The following TIAM2 variants were observed in gnomAD, a reference collection of about 807,000 sequenced individuals.
TIAM2 encodes the protein rho guanine nucleotide exchange factor TIAM2.
A neutral mutation model predicts 152.9 loss-of-function variants in TIAM2; 80 were observed. The observed-to-expected ratio is 0.52, with a 90% CI of 0.44 to 0.63. The LOEUF is 0.63. Ranked by LOEUF, TIAM2 falls within the 30% of genes least tolerant of loss-of-function variation. The pLI, the probability that TIAM2 is intolerant of heterozygous loss-of-function variation, is 0.00. For missense variants in TIAM2, 1,965 were observed against 2,120.1 expected, an observed-to-expected ratio of 0.93 and a Z score of 1.44; for synonymous variants, 804 against 838.0, an observed-to-expected ratio of 0.96 and a Z score of 0.70.
chr6:155,041,799 C>T (rs377140023), intron 1 of TIAM2, among the ~76,000 whole-genome samples: 5 of 152,230 alleles, frequency 3.3e-5, no homozygotes, highest in Non-Finnish European at 1.5e-5. Flanking sequence ...CTGAGGTGTT[C>T]GCGTTGCCAG....
At position 155,257,152 on chromosome 6, in the gene TIAM2, C is replaced by A; in HGVS notation, c.*31C>A. ...TTCAATCCAGATATGGGTTAAATTC[C>A]TCATTTTACTTTTAAACTGGTGGTA... On this transcript the variant is annotated 3_prime_UTR_variant, in exon 27 of 27. Coordinates refer to ENST00000682666, the MANE Select transcript of TIAM2 (RefSeq NM_012454.4). 2 of 1,472,736 alleles carry A rather than the reference C, an allele frequency of 1.4e-6. No homozygotes were observed. The highest frequency in any genetic ancestry group is 1.5e-5 in the African/African-American group (1 of 68,906). The allele number at this position is 1,472,736 out of a possible 1,614,324, so 91.2% of individuals were successfully genotyped here.
At chr6:155,144,893 A>C in intron 6 of TIAM2, 115 bp downstream of exon 6, 5 of 1,268,436 alleles carry the variant, frequency 3.9e-6, no homozygotes, top group Non-Finnish European at 5.4e-6. Flanking sequence ...TAGGCTTTGG[A>C]TTTGGCCTTA....
intron 14 of TIAM2, among the ~76,000 whole-genome samples, chr6:155,189,406 A>G (rs1781134132): frequency 6.6e-6 from 1 of 152,054 alleles, no homozygotes; most frequent in Non-Finnish European, 1.5e-5. Context: ...TTTTACCAGG[A>G]CACAGAACTT....
chr6:155,150,869 G>A (rs1022286402), intron 7 of TIAM2, among the ~76,000 whole-genome samples: 3 of 152,092 alleles, frequency 2.0e-5, no homozygotes, highest in South Asian at 2.1e-4. Flanking sequence ...ACTGTCGTGC[G>A]CAGTGGATTA....
At chr6:155,200,153 G>A (rs1781443629) in intron 14 of TIAM2, among the ~76,000 whole-genome samples, 1 of 152,170 alleles carries the variant, frequency 6.6e-6, no homozygotes, top group Non-Finnish European at 1.5e-5. Context: ...TGATCGGATT[G>A]CTGATAGTCC....
chr6:154,997,270 C>T (rs1778231341), intron 1 of TIAM2, among the ~76,000 whole-genome samples: 1 of 152,154 alleles, frequency 6.6e-6, no homozygotes, highest in Non-Finnish European at 1.5e-5. Flanking sequence ...CTTCCTTATC[C>T]GTAGGCGAAG....
intron 3 of TIAM2, among the ~76,000 whole-genome samples, chr6:155,128,760 G>T (rs959019739): frequency 6.6e-6 from 1 of 151,894 alleles, no homozygotes; most frequent in African/African-American, 2.4e-5. Context: ...CAGCTACTTG[G>T]GAAGCTAAGG....
chr6:155,016,482 AAATTT>A (rs1294030889), intron 1 of TIAM2: 2 of 152,032 alleles, frequency 1.3e-5, no homozygotes, highest in Non-Finnish European at 2.9e-5. Context: ...TACTATATTT[AAATTT>A]AAATGTAAAT....
Position 155,179,160 on chromosome 6 carries a change from T to A in TIAM2, c.2628+17T>A. The A allele has an allele frequency of 3.8e-6, 6 of 1,594,546 alleles. No individual in the cohort carries two copies. The highest frequency in any genetic ancestry group is 4.3e-6 in the Non-Finnish European group (5 of 1,165,280). On this transcript the variant is annotated intron_variant, in intron 11 of 26. Transcript: ENST00000682666. ...CAACAACAGGTAAGTGTGCACTAGC[T>A]TTAGGAAGGGAAACTGAACCACATC...
intron 1 of TIAM2, among the ~76,000 whole-genome samples, chr6:155,004,370 C>A (rs1397684486): frequency 6.6e-6 from 1 of 152,062 alleles, no homozygotes; most frequent in African/African-American, 2.4e-5. Flanking sequence ...TGGAGTTCAC[C>A]CCAAATTTCC....
chr6:155,013,812 C>T (rs1170479482), intron 1 of TIAM2: 1 of 152,020 alleles, frequency 6.6e-6, no homozygotes, highest in African/African-American at 2.4e-5. Flanking sequence ...CAGGGTCTTT[C>T]CTAAGTGCTG....
intron 5 of TIAM2, among the ~76,000 whole-genome samples, chr6:155,142,882 T>G (rs752617263): frequency 6.6e-5 from 10 of 152,236 alleles, no homozygotes; most frequent in Non-Finnish European, 1.5e-4. Context: ...CTCTCTTGGC[T>G]TCTATGTGCT....
intron 15 of TIAM2, 42 bp from the exon 16 acceptor site, chr6:155,240,488 G>C: frequency 1.3e-6 from 2 of 1,565,994 alleles, no homozygotes; most frequent in East Asian, 2.3e-5. Context: ...TACTATCAGG[G>C]AGAGGCCCGT....
chr6:155,179,712 A>G (rs1277992482), intron 12 of TIAM2, among the ~76,000 whole-genome samples: 1 of 152,256 alleles, frequency 6.6e-6, no homozygotes, highest in African/African-American at 2.4e-5. Context: ...ATTTGAAAAT[A>G]TAGATTAATA....
chr6:155,244,976 C>A, intron 18 of TIAM2, 193 bp downstream of exon 18: 8 of 636,596 alleles, frequency 1.3e-5, no homozygotes, highest in Admixed American at 3.9e-5. Flanking sequence ...TTTTTCCTGG[C>A]GCAGGTGCTT....
intron 1 of TIAM2, among the ~76,000 whole-genome samples, chr6:155,024,998 G>C (rs1283574186): frequency 6.6e-6 from 1 of 152,080 alleles, no homozygotes; most frequent in Non-Finnish European, 1.5e-5. Flanking sequence ...GGTTTTATTT[G>C]ACTTTATTTA....
intron 5 of TIAM2, among the ~76,000 whole-genome samples, chr6:155,141,182 CA>C (rs979815653): frequency 3.2e-4 from 49 of 152,268 alleles, no homozygotes; most frequent in African/African-American, 1.1e-3. Flanking sequence ...TAAATGTTAT[CA>C]AGCACACATT....
At chr6:155,014,991 T>C in intron 1 of TIAM2, among the ~76,000 whole-genome samples, 1 of 152,162 alleles carries the variant, frequency 6.6e-6, no homozygotes, top group East Asian at 1.9e-4. Context: ...TTAGGATGTC[T>C]GGGTTTAACT....
intron 2 of TIAM2, among the ~76,000 whole-genome samples, chr6:155,123,149 A>G (rs1445663355): frequency 6.6e-6 from 1 of 151,608 alleles, no homozygotes; most frequent in Non-Finnish European, 1.5e-5. Context: ...TTTCTCATAA[A>G]TATTGGATAA....
Sources: gnomAD v4.1 joint callset for allele counts (sites outside exome capture counted in the v4.1 genomes callset) on GRCh38, gnomAD v4.1.1 for gene constraint, MANE v1.5 for transcripts, NCBI Gene and HGNC (gene_info 2026-07-23, HGNC 2026-07-21) for gene names.